The following DCDC1 variants were observed in gnomAD, a reference collection of about 807,000 sequenced individuals.
DCDC1 encodes the protein doublecortin domain containing 1.
DCDC1 carries 200 observed loss-of-function variants against 178.3 expected under a neutral mutation model. The ratio of observed to expected loss-of-function variants is 1.12; its 90% CI spans 1.00 to 1.26. DCDC1 has a LOEUF of 1.26. Among genes scored for constraint, DCDC1 ranks in the 50% most tolerant of loss-of-function variants. DCDC1 has a pLI of 0.00. For synonymous variants in DCDC1, 690 were observed against 604.8 expected (o/e 1.14, Z -2.07); for missense variants, 1,983 against 1,749.2 (o/e 1.13, Z -2.38).
chr11:31,067,296 A>G (rs1003605555), intron 18 of DCDC1, among the ~76,000 whole-genome samples: 4 of 151,720 alleles, frequency 2.6e-5, no homozygotes, highest in Admixed American at 1.3e-4. Flanking sequence ...TCTAGTAGAC[A>G]TTTCTCCAAA....
At chr11:30,957,134 C>A (rs1030463234) in intron 20 of DCDC1, among the ~76,000 whole-genome samples, 11 of 152,162 alleles carry the variant, frequency 7.2e-5, no homozygotes, top group African/African-American at 2.7e-4. Flanking sequence ...TGTGCTTGTG[C>A]CTCGGACCCT....
intron 3 of DCDC1, among the ~76,000 whole-genome samples, chr11:31,321,262 C>T (rs1591753025): frequency 2.3e-5 from 2 of 87,254 alleles, no homozygotes; most frequent in African/African-American, 4.7e-5. Flanking sequence ...GCCTCGTTGC[C>T]GCCTTGCAGT....
At chr11:30,867,725 C>G (rs1941127646) in intron 38 of DCDC1, among the ~76,000 whole-genome samples, 1 of 152,110 alleles carries the variant, frequency 6.6e-6, no homozygotes. Flanking sequence ...AAGGTGACCC[C>G]ATATGCAGAT....
At chr11:31,202,985 C>G (rs916341180) in intron 9 of DCDC1, among the ~76,000 whole-genome samples, 5 of 152,104 alleles carry the variant, frequency 3.3e-5, no homozygotes, top group African/African-American at 1.2e-4. Context: ...CATTAAAAGG[C>G]TGGGTTCTGG....
intron 2 of DCDC1, among the ~76,000 whole-genome samples, chr11:31,333,661 A>G (rs990311788): frequency 6.6e-6 from 1 of 152,182 alleles, no homozygotes; most frequent in African/African-American, 2.4e-5. Flanking sequence ...TGGATATGAA[A>G]TTCTGGGTTA....
chr11:30,982,752 G>T (rs570535537), intron 20 of DCDC1, among the ~76,000 whole-genome samples: 1 of 151,864 alleles, frequency 6.6e-6, no homozygotes, highest in Non-Finnish European at 1.5e-5. Context: ...CTGATGCACC[G>T]CCCCATCAGT....
intron 9 of DCDC1, among the ~76,000 whole-genome samples, chr11:31,199,209 T>A (rs1971025258): frequency 6.6e-6 from 1 of 152,084 alleles, no homozygotes; most frequent in African/African-American, 2.4e-5. Context: ...CTGTGAGATA[T>A]AAACTCCCTG....
rs1950917959 is a variant in DCDC1 at position 30,990,552 on chromosome 11, G to C, written c.2592-37984C>G. ...CACTGGAGACACTCAGAAATAACCAGGGAGACATAGGAAAGGTGATCTACA... is the reference window on the plus strand; with the variant it reads ...CACTGGAGACACTCAGAAATAACCACGGAGACATAGGAAAGGTGATCTACA... On this transcript the variant is annotated intron_variant, in intron 20 of 38. Transcript: ENST00000684477. Among the ~76,000 whole-genome samples the C allele has an allele frequency of 2.0e-5, 3 of 152,166 alleles. No individual in the cohort carries two copies. The South Asian group carries it at 6.2e-4, about 32-fold the overall frequency.
chr11:31,173,739 C>A (rs1256920750), intron 9 of DCDC1, among the ~76,000 whole-genome samples: 2 of 102,380 alleles, frequency 2.0e-5, no homozygotes, highest in African/African-American at 3.2e-5. Flanking sequence ...CACACACTTA[C>A]ACACACACAC....
At chr11:31,130,387 T>A (rs771707263) in intron 10 of DCDC1, among the ~76,000 whole-genome samples, 1 of 152,186 alleles carries the variant, frequency 6.6e-6, no homozygotes, top group Non-Finnish European at 1.5e-5. Context: ...ATGCCACTTC[T>A]TAGCAGAAGC....
At chr11:30,978,779 A>C (rs1461404600) in intron 20 of DCDC1, among the ~76,000 whole-genome samples, 1 of 118,976 alleles carries the variant, frequency 8.4e-6, no homozygotes, top group African/African-American at 3.8e-5. Context: ...GTCCCCCCTC[A>C]ACACACACAC....
chr11:31,291,748 G>C (rs1947243615), intron 6 of DCDC1, among the ~76,000 whole-genome samples: 1 of 151,898 alleles, frequency 6.6e-6, no homozygotes, highest in African/African-American at 2.4e-5. Context: ...TATTTGTTCT[G>C]AGAGAAACAT....
intron 8 of DCDC1, chr11:31,262,926 C>T (rs1388209626): frequency 1.1e-6 from 1 of 944,804 alleles, no homozygotes; most frequent in Non-Finnish European, 1.5e-6. Flanking sequence ...TTTCAGCTGG[C>T]ATAAGCTTTT....
In DCDC1 at chr11:31,106,779, C is replaced by T. The variant is rs369244942; in HGVS notation, c.1751+18G>A. Reference sequence around the variant, plus strand: ...CCCTGGAAAGATTGAGGACAGAAAACAAACCCCTTGCTCCTACCTGTATGC... The same window carrying T: ...CCCTGGAAAGATTGAGGACAGAAAATAAACCCCTTGCTCCTACCTGTATGC... On this transcript the variant is annotated intron_variant, in intron 13 of 38. Transcript: ENST00000684477. 3.9e-6 allele frequency: 3 copies of T among 764,202 alleles called. No individual in the cohort carries two copies. The highest frequency in any genetic ancestry group is 7.2e-6 in the Non-Finnish European group (3 of 417,392). The allele number at this position is 764,202 out of a possible 1,614,324, so 47.3% of individuals were successfully genotyped here.
intron 36 of DCDC1, among the ~76,000 whole-genome samples, chr11:30,888,042 GAA>G (rs1943345292): frequency 2.7e-5 from 2 of 74,554 alleles, no homozygotes; most frequent in Non-Finnish European, 5.3e-5. Flanking sequence ...GAGAAAGAAA[GAA>G]AGAAAGAAAG....
intron 8 of DCDC1, among the ~76,000 whole-genome samples, chr11:31,255,709 A>G (rs905990990): frequency 1.3e-5 from 2 of 152,142 alleles, no homozygotes; most frequent in African/African-American, 4.8e-5. Context: ...AGTTCCTTAT[A>G]TATTCCAGGT....
intron 20 of DCDC1, among the ~76,000 whole-genome samples, chr11:31,019,168 CT>C (rs1263522194): frequency 1.3e-5 from 2 of 152,116 alleles, no homozygotes; most frequent in African/African-American, 4.8e-5. Flanking sequence ...ATAACACAGA[CT>C]CAGTGGGTTT....
At chr11:30,977,522 AAT>A (rs750032598) in intron 20 of DCDC1, among the ~76,000 whole-genome samples, 2 of 152,182 alleles carry the variant, frequency 1.3e-5, no homozygotes, top group East Asian at 1.9e-4. Flanking sequence ...CTTATTATTA[AAT>A]ATGTTTCTTC....
Position 30,878,690 on chromosome 11 carries a change from A to C in DCDC1, c.5255T>G (p.Ile1752Ser), listed in dbSNP as rs774786031. The change falls in exon 38 of 39, where the codon ATC (isoleucine) becomes AGC (serine). Residue 1752 changes from isoleucine (I) to serine (S), a missense_variant. Ile to Ser is a moderately radical substitution (Grantham distance 142, BLOSUM62 -2). Coordinates refer to ENST00000684477, the MANE Select transcript of DCDC1 (RefSeq NM_001387274.1). Reference sequence around the variant, plus strand: ...TCGGATTCTGGCATAATTTGCTCTGATCTCCATCAGTTGTTTTAACTCTGT... The same window carrying C: ...TCGGATTCTGGCATAATTTGCTCTGCTCTCCATCAGTTGTTTTAACTCTGT... ...TPKELKQLME[I>S]RANYARIRRQ... 1 of 1,591,342 alleles carries C rather than the reference A, an allele frequency of 6.3e-7. No homozygotes were observed. The highest frequency in any genetic ancestry group is 1.1e-5 in the South Asian group (1 of 87,792).
Sources: allele counts gnomAD v4.1 joint callset (sites outside exome capture counted in the v4.1 genomes callset), GRCh38; gene constraint gnomAD v4.1.1; transcripts MANE v1.5; gene names NCBI Gene and HGNC (gene_info 2026-07-23, HGNC 2026-07-21).